The following MPP7 variants were observed in gnomAD, a reference collection of about 807,000 sequenced individuals.
The protein encoded by MPP7 is MAGUK p55 subfamily member 7.
Under a neutral mutation model 76.5 loss-of-function variants are expected in MPP7, and 60 were observed. The ratio of observed to expected loss-of-function variants is 0.78; its 90% CI spans 0.64 to 0.97. MPP7 has a LOEUF of 0.97. Among genes scored for constraint, MPP7 ranks in the 50% least tolerant of loss-of-function variants. MPP7 has a pLI of 0.00. For synonymous variants in MPP7, 237 were observed against 244.5 expected, an observed-to-expected ratio of 0.97 and a Z score of 0.29; for missense variants, 641 against 694.0, an observed-to-expected ratio of 0.92 and a Z score of 0.86.
At chr10:28,177,311 G>A (rs989973100) in intron 3 of MPP7, among the ~76,000 whole-genome samples, 2 of 150,178 alleles carry the variant, frequency 1.3e-5, no homozygotes, top group Non-Finnish European at 3.0e-5. Flanking sequence ...GCGCGGCTGA[G>A]GCAGGAGAAT....
At position 28,312,746 on chromosome 10, in the gene MPP7, C is replaced by T. The variant is rs566390846; in HGVS notation, c.-132+17183G>A. Among the ~76,000 whole-genome samples, 9 of 152,288 alleles carry T rather than the reference C, an allele frequency of 5.9e-5. No homozygotes were observed. In the East Asian group the frequency reaches 1.7e-3, roughly 29 times the overall value. Reference sequence around the variant, plus strand: ...TTAAGCTCAGTCATCTTTGTACTTACCATGTTGATCTCCCAAGGGAGCATC... The same window carrying T: ...TTAAGCTCAGTCATCTTTGTACTTATCATGTTGATCTCCCAAGGGAGCATC... On this transcript the variant is annotated intron_variant, in intron 2 of 11. Transcript: ENST00000441595.
chr10:28,084,611 C>T (rs1852916507), intron 12 of MPP7, among the ~76,000 whole-genome samples: 1 of 152,160 alleles, frequency 6.6e-6, no homozygotes, highest in South Asian at 2.1e-4. Context: ...GAGCTCCTCC[C>T]TCTGTATATT....
chr10:28,226,968 AC>A (rs1838713144), intron 2 of MPP7, among the ~76,000 whole-genome samples: 1 of 152,210 alleles, frequency 6.6e-6, no homozygotes, highest in East Asian at 1.9e-4. Context: ...ATTTTACCTT[AC>A]CATTAAAGGA....
chr10:28,076,625 C>T (rs867439140), intron 12 of MPP7, among the ~76,000 whole-genome samples: 50 of 152,232 alleles, frequency 3.3e-4, no homozygotes, highest in Middle Eastern at 6.8e-3. Flanking sequence ...CAGTGGCTCA[C>T]GCCTGTAATC....
intron 1 of MPP7, among the ~76,000 whole-genome samples, chr10:28,265,925 T>C (rs112065259): frequency 0.011 from 1,624 of 152,228 alleles, 20 homozygotes; most frequent in African/African-American, 0.037. Context: ...TGCTAAGGGA[T>C]TTACAAGACT....
At chr10:28,077,720 T>C (rs186050119) in intron 12 of MPP7, among the ~76,000 whole-genome samples, 1 of 152,366 alleles carries the variant, frequency 6.6e-6, no homozygotes, top group African/African-American at 2.4e-5. Context: ...GAAATTTTTA[T>C]CACAATTGGT....
At chr10:28,066,593 A>C (rs1851997061) in intron 13 of MPP7, among the ~76,000 whole-genome samples, 1 of 152,164 alleles carries the variant, frequency 6.6e-6, no homozygotes, top group East Asian at 1.9e-4. Context: ...ACTGATATAT[A>C]TACACATAAA....
At chr10:28,232,669 T>C (rs1838928967) in intron 2 of MPP7, among the ~76,000 whole-genome samples, 2 of 152,226 alleles carry the variant, frequency 1.3e-5, no homozygotes, top group Non-Finnish European at 1.5e-5. Context: ...ATTCCATTTA[T>C]AAAGTTCAAC....
intron 12 of MPP7, among the ~76,000 whole-genome samples, chr10:28,086,819 A>G (rs1373885156): frequency 1.3e-5 from 2 of 152,150 alleles, no homozygotes; most frequent in Admixed American, 6.5e-5. Flanking sequence ...ACCAGAGTCT[A>G]TCCCCCGCTG....
intron 3 of MPP7, among the ~76,000 whole-genome samples, chr10:28,151,618 T>C (rs535664579): frequency 5.9e-5 from 9 of 152,350 alleles, no homozygotes; most frequent in African/African-American, 2.2e-4. Flanking sequence ...AGGTCAGTAA[T>C]ACTAGTAACA....
chr10:28,103,472 G>C (rs1006582529), intron 11 of MPP7, among the ~76,000 whole-genome samples: 1 of 152,084 alleles, frequency 6.6e-6, no homozygotes, highest in Middle Eastern at 3.2e-3. Context: ...CTCACTTCAG[G>C]TTTTTGCTCA....
At chr10:28,285,851 T>C (rs907943331) in intron 1 of MPP7, among the ~76,000 whole-genome samples, 2 of 152,180 alleles carry the variant, frequency 1.3e-5, no homozygotes, top group South Asian at 2.1e-4. Context: ...GCCTGTTTTT[T>C]TTTTTATTTA....
chr10:28,319,431 C>T (rs1400645480), intron 2 of MPP7, among the ~76,000 whole-genome samples: 2 of 152,098 alleles, frequency 1.3e-5, no homozygotes, highest in African/African-American at 2.4e-5. Flanking sequence ...AATCCCAGCA[C>T]TTTGGGAGGC....
intron 2 of MPP7, among the ~76,000 whole-genome samples, chr10:28,212,365 G>T (rs1838167038): frequency 6.6e-6 from 1 of 151,952 alleles, no homozygotes; most frequent in Non-Finnish European, 1.5e-5. Context: ...GGGACATGGG[G>T]GAAAAAAAAT....
At chr10:28,115,837 C>T (rs1239776492) in intron 11 of MPP7, among the ~76,000 whole-genome samples, 1 of 152,120 alleles carries the variant, frequency 6.6e-6, no homozygotes, top group Non-Finnish European at 1.5e-5. Context: ...TTTTTACCTG[C>T]ATAATAATAA....
chr10:28,218,495 G>A (rs1234361009), intron 2 of MPP7, among the ~76,000 whole-genome samples: 2 of 152,136 alleles, frequency 1.3e-5, no homozygotes, highest in Non-Finnish European at 2.9e-5. Context: ...GCTAACTAAT[G>A]TTAAACGGAG....
chr10:28,167,309 TCAAAAAAA>T (rs56786284), intron 3 of MPP7, among the ~76,000 whole-genome samples: 16,317 of 74,178 alleles, frequency 0.22, 1,578 homozygotes, highest in East Asian at 0.6. Flanking sequence ...AGGCTCTGCC[TCAAAAAAA>T]CAAACAAACA....
At chr10:28,187,019 G>A (rs571856101) in intron 3 of MPP7, among the ~76,000 whole-genome samples, 12 of 152,070 alleles carry the variant, frequency 7.9e-5, no homozygotes, top group Non-Finnish European at 1.6e-4. Flanking sequence ...AGATTTCTAG[G>A]TAAGAAACTC....
At chr10:28,215,324 TTAC>T (rs1181737152) in intron 2 of MPP7, among the ~76,000 whole-genome samples, 1 of 150,822 alleles carries the variant, frequency 6.6e-6, no homozygotes, top group Non-Finnish European at 1.5e-5. Flanking sequence ...CATTGGGCGG[TTAC>T]AAAGAAGGGA....
Sources: gnomAD v4.1 joint callset for allele counts (sites outside exome capture counted in the v4.1 genomes callset) on GRCh38, gnomAD v4.1.1 for gene constraint, MANE v1.5 for transcripts, NCBI Gene and HGNC (gene_info 2026-07-23, HGNC 2026-07-21) for gene names.